PIK3C2G: variants seen among roughly 807,000 people sequenced by gnomAD.
PIK3C2G encodes the protein phosphatidylinositol 3-kinase C2 domain-containing subunit gamma.
PIK3C2G carries 168 observed loss-of-function variants against 181.1 expected under a neutral mutation model. The observed-to-expected ratio is 0.93, with a 90% CI of 0.82 to 1.05. The LOEUF (loss-of-function observed/expected upper bound fraction) is 1.05, where lower values mean the gene tolerates loss of function less well. Among genes scored for constraint, PIK3C2G ranks in the 50% least tolerant of loss-of-function variants. The pLI, the probability that PIK3C2G is intolerant of heterozygous loss-of-function variation, is 0.00. For synonymous variants in PIK3C2G, 573 were observed against 592.2 expected, an observed-to-expected ratio of 0.97 and a Z score of 0.47; for missense variants, 1,869 against 1,732.8, an observed-to-expected ratio of 1.08 and a Z score of -1.40.
At chr12:18,685,844 G>GCACA in the PIK3C2G span, among the ~76,000 whole-genome samples, 70 of 48,240 alleles carry the variant, frequency 1.5e-3, no homozygotes, top group Middle Eastern at 9.6e-3. Context: ...ACACACACAC[G>GCACA]CGCACACACA....
intron 29 of PIK3C2G, among the ~76,000 whole-genome samples, chr12:18,581,193 G>A (rs1410212685): frequency 3.3e-5 from 5 of 152,138 alleles, no homozygotes. Context: ...GTAAACTGAT[G>A]AAGATTTTAA....
intron 18 of PIK3C2G, among the ~76,000 whole-genome samples, chr12:18,434,990 GTT>G (rs568859815): frequency 0.011 from 1,633 of 143,964 alleles, 26 homozygotes; most frequent in African/African-American, 0.039. Flanking sequence ...TTGTAACCAG[GTT>G]TTTTTTTTTT....
chr12:18,286,940 G>C lies in PIK3C2G; in HGVS notation c.761+11G>C, dbSNP rs745430041. The stretch of plus-strand genomic sequence containing the variant: ...CAACAAAGTAAAAAAGTGAGTACTG[G>C]TATTTCATTAAACTTTGAAATTTTT... On this transcript the variant is annotated intron_variant, in intron 3 of 32. Coordinates refer to ENST00000538779, the MANE Select transcript of PIK3C2G (RefSeq NM_001288772.2). 6.9e-7 allele frequency: 1 copy of C among 1,456,752 alleles called. No individual in the cohort carries two copies. The allele number at this position is 1,456,752 out of a possible 1,614,324, so 90.2% of individuals were successfully genotyped here. A position where few individuals can be genotyped will look rare whatever the true frequency, so the allele number is the denominator to read the frequency against.
At chr12:18,680,423 C>T in the PIK3C2G span, among the ~76,000 whole-genome samples, 1 of 151,962 alleles carries the variant, frequency 6.6e-6, no homozygotes, top group Non-Finnish European at 1.5e-5. Flanking sequence ...TACAGGGAAG[C>T]TTCCTCACAC....
chr12:18,506,333 T>C (rs1301128957), intron 24 of PIK3C2G, among the ~76,000 whole-genome samples: 2 of 152,130 alleles, frequency 1.3e-5, no homozygotes, highest in African/African-American at 4.8e-5. Flanking sequence ...AGAGGGCATA[T>C]AGAGTGTGGC....
chr12:18,589,136 C>T (rs1046476218), intron 29 of PIK3C2G, among the ~76,000 whole-genome samples: 1 of 151,670 alleles, frequency 6.6e-6, no homozygotes, highest in African/African-American at 2.4e-5. Context: ...AAAATAACTA[C>T]AGGGAACCCA....
At chr12:18,280,355 G>C (rs568896410) in intron 1 of PIK3C2G, among the ~76,000 whole-genome samples, 1 of 152,132 alleles carries the variant, frequency 6.6e-6, no homozygotes, top group South Asian at 2.1e-4. Context: ...AGTGTAAACA[G>C]TAGAAAATAT....
intron 15 of PIK3C2G, among the ~76,000 whole-genome samples, chr12:18,395,679 C>G (rs1207024522): frequency 1.3e-5 from 2 of 150,644 alleles, no homozygotes; most frequent in African/African-American, 4.9e-5. Flanking sequence ...ACAATGTACT[C>G]TGGTTTATAA....
intron 1 of PIK3C2G, among the ~76,000 whole-genome samples, chr12:18,264,594 T>G (rs1194538297): frequency 6.6e-6 from 1 of 152,194 alleles, no homozygotes; most frequent in Admixed American, 6.6e-5. Context: ...TTGTGATATT[T>G]TTTGCTTAGG....
intron 6 of PIK3C2G, among the ~76,000 whole-genome samples, chr12:18,316,355 G>T (rs1384143447): frequency 1.3e-5 from 2 of 152,168 alleles, no homozygotes; most frequent in Non-Finnish European, 2.9e-5. Flanking sequence ...TCATATTGCT[G>T]TCATCACCGT....
chr12:18,394,841 C>T (rs1943757462), intron 15 of PIK3C2G, among the ~76,000 whole-genome samples: 1 of 151,352 alleles, frequency 6.6e-6, no homozygotes, highest in South Asian at 2.1e-4. Context: ...GTATTGGACA[C>T]ACCAAAAAGG....
intron 29 of PIK3C2G, among the ~76,000 whole-genome samples, chr12:18,592,975 TG>T (rs1448632325): frequency 6.6e-6 from 1 of 151,926 alleles, no homozygotes; most frequent in Non-Finnish European, 1.5e-5. Context: ...GCTAAAAGTC[TG>T]ATATAAAGAT....
At chr12:18,527,084 T>C (rs1222099083) in intron 24 of PIK3C2G, among the ~76,000 whole-genome samples, 1 of 152,054 alleles carries the variant, frequency 6.6e-6, no homozygotes, top group East Asian at 1.9e-4. Context: ...TCCACTTACA[T>C]GGTGTAAGGA....
chr12:18,437,389 C>T (rs1340623769), intron 18 of PIK3C2G, among the ~76,000 whole-genome samples: 1 of 151,960 alleles, frequency 6.6e-6, no homozygotes, highest in Non-Finnish European at 1.5e-5. Context: ...ACACTTGTTA[C>T]ATTTAATAAC....
intron 22 of PIK3C2G, among the ~76,000 whole-genome samples, chr12:18,500,754 G>C (rs566027553): frequency 1.4e-4 from 22 of 152,234 alleles, no homozygotes; most frequent in African/African-American, 5.3e-4. Context: ...GGCTGCCCAA[G>C]CCAGCAGTGG....
At chr12:18,592,789 G>A (rs975908544) in intron 29 of PIK3C2G, among the ~76,000 whole-genome samples, 1 of 151,944 alleles carries the variant, frequency 6.6e-6, no homozygotes, top group Admixed American at 6.6e-5. Flanking sequence ...CGGAAGAAGA[G>A]TGAAGTGGCT....
chr12:18,324,301 T>C (rs1334924800), intron 7 of PIK3C2G, among the ~76,000 whole-genome samples: 1 of 152,102 alleles, frequency 6.6e-6, no homozygotes, highest in Non-Finnish European at 1.5e-5. Context: ...ATTCTATGCA[T>C]TTTGTCTTTG....
intron 12 of PIK3C2G, among the ~76,000 whole-genome samples, chr12:18,367,620 T>A (rs1437268240): frequency 6.6e-6 from 1 of 151,852 alleles, no homozygotes; most frequent in Non-Finnish European, 1.5e-5. Flanking sequence ...AATGGTGTGA[T>A]CTCGGCTCAC....
chr12:18,250,341 G>A (rs190508486), intron 1 of PIK3C2G, among the ~76,000 whole-genome samples: 6 of 152,084 alleles, frequency 3.9e-5, no homozygotes, highest in African/African-American at 1.2e-4. Flanking sequence ...TTATGAATTT[G>A]CCGTACATTA....
Sources: gnomAD v4.1 joint callset for allele counts (sites outside exome capture counted in the v4.1 genomes callset) on GRCh38, gnomAD v4.1.1 for gene constraint, MANE v1.5 for transcripts, NCBI Gene and HGNC (gene_info 2026-07-23, HGNC 2026-07-21) for gene names.